PID1: variants seen among roughly 807,000 people sequenced by gnomAD.
PID1 encodes PTB-containing, cubilin and LRP1-interacting protein.
In PID1, 10 loss-of-function variants were observed where a neutral mutation model predicts 19.1. The observed-to-expected ratio is 0.52, with a 90% CI of 0.32 to 0.89. The LOEUF is 0.89. Ranked by LOEUF, PID1 falls within the 40% of genes least tolerant of loss-of-function variation. PID1 has a pLI of 0.03. For synonymous variants in PID1, 130 were observed against 116.0 expected (o/e 1.12, Z -0.78); for missense variants, 248 against 285.3 (o/e 0.87, Z 0.94).
At chr2:229,088,716 T>C (rs1694815471) in intron 2 of PID1, among the ~76,000 whole-genome samples, 1 of 152,074 alleles carries the variant, frequency 6.6e-6, no homozygotes, top group African/African-American at 2.4e-5. Context: ...TTGTGTCTCA[T>C]TGTCATAAAC....
At chr2:229,226,921 T>C (rs1348662807) in intron 1 of PID1, among the ~76,000 whole-genome samples, 1 of 152,192 alleles carries the variant, frequency 6.6e-6, no homozygotes, top group Non-Finnish European at 1.5e-5. Context: ...AAATGGGGTG[T>C]TTAGAATTTT....
chr2:229,134,231 G>GTTTTTTTTTTTTATTTTTTTTTTTT (rs1689808614), intron 2 of PID1, among the ~76,000 whole-genome samples: 1 of 109,220 alleles, frequency 9.2e-6, no homozygotes, highest in Non-Finnish European at 1.8e-5. Context: ...TACTACCTGT[G>GTTTTTTTTTTTTATTTTTTTTTTTT]TTTTTTTTTT....
In PID1 at chr2:229,092,238, T is replaced by A. The variant is rs559761255; in HGVS notation, c.177+63580A>T. The stretch of plus-strand genomic sequence containing the variant: ...TTTAGTGCCTGGTCATCCAAGGGTC[T>A]CCACTGTACGGTGGTGGTACAAAGG... On this transcript the variant is annotated intron_variant, in intron 2 of 2. Coordinates refer to ENST00000392055, the MANE Select transcript of PID1 (RefSeq NM_001100818.2). Among the ~76,000 whole-genome samples, 2 of 112,034 alleles carry A rather than the reference T, an allele frequency of 1.8e-5. 1 individual carries two copies. The highest frequency in any genetic ancestry group is 1.2e-4 in the African/African-American group (2 of 17,062). 73.5% of individuals were successfully genotyped at this position (112,034 alleles called of 152,430 possible). A position where few individuals can be genotyped will look rare whatever the true frequency, so the allele number is the denominator to read the frequency against.
intron 1 of PID1, among the ~76,000 whole-genome samples, chr2:229,222,443 T>C (rs1182469976): frequency 6.6e-6 from 1 of 152,248 alleles, no homozygotes; most frequent in African/African-American, 2.4e-5. Context: ...TAGTATTTCA[T>C]ACTACTATGT....
intron 2 of PID1, among the ~76,000 whole-genome samples, chr2:229,039,108 C>CAGCG (rs1368936005): frequency 6.6e-6 from 1 of 152,268 alleles, no homozygotes; most frequent in Admixed American, 6.5e-5. Flanking sequence ...ATATATAACG[C>CAGCG]AGCGAGAAAG....
At chr2:229,150,563 T>G (rs888175133) in intron 2 of PID1, among the ~76,000 whole-genome samples, 1 of 152,256 alleles carries the variant, frequency 6.6e-6, no homozygotes, top group African/African-American at 2.4e-5. Flanking sequence ...TCTTCTGGGT[T>G]ACTTCCCTTT....
At chr2:229,183,621 T>C (rs1307622047) in intron 1 of PID1, among the ~76,000 whole-genome samples, 1 of 152,082 alleles carries the variant, frequency 6.6e-6, no homozygotes, top group Non-Finnish European at 1.5e-5. Flanking sequence ...AGTGGGTACA[T>C]CAGTCTTTTG....
rs556846199 is a variant in PID1 at position 229,221,558 on chromosome 2, A to G, written c.30+49456T>C. On this transcript the variant is annotated intron_variant, in intron 1 of 2. Coordinates refer to ENST00000392055, the MANE Select transcript of PID1 (RefSeq NM_001100818.2). Reference sequence around the variant, plus strand: ...TTCATCAATGCCTCTTTCCATCTTTAAACCTTAGATTTCCCCCACGGTACT... The same window carrying G: ...TTCATCAATGCCTCTTTCCATCTTTGAACCTTAGATTTCCCCCACGGTACT... 1.1e-4 allele frequency among the ~76,000 whole-genome samples: 17 copies of G among 152,206 alleles called. No homozygotes were observed. In the South Asian group the frequency reaches 1.2e-3, roughly 11 times the overall value.
intron 2 of PID1, among the ~76,000 whole-genome samples, chr2:229,110,847 C>G (rs1695282988): frequency 6.6e-6 from 1 of 152,104 alleles, no homozygotes. Flanking sequence ...CCTCCCTGCT[C>G]ACTCACGTAG....
chr2:229,110,772 T>C (rs949100848), intron 2 of PID1, among the ~76,000 whole-genome samples: 9 of 152,138 alleles, frequency 5.9e-5, no homozygotes, highest in Admixed American at 6.5e-5. Flanking sequence ...GTGGTACCCA[T>C]AGGACAGGAA....
At chr2:229,033,924 GGCAAAGGGT>G (rs1693607985) in intron 2 of PID1, among the ~76,000 whole-genome samples, 1 of 152,158 alleles carries the variant, frequency 6.6e-6, no homozygotes, top group Non-Finnish European at 1.5e-5. Flanking sequence ...CCAGAGAAAA[GGCAAAGGGT>G]GCAACATAGA....
In PID1 at chr2:229,034,407, G is replaced by A. The variant is rs551503217; in HGVS notation, c.178-8299C>T. On this transcript the variant is annotated intron_variant, in intron 2 of 2. Coordinates refer to ENST00000392055, the MANE Select transcript of PID1 (RefSeq NM_001100818.2). ...GCTGTTTCTATAGATTAGGGAACTT[G>A]TAAGAGGTTGAAGTAACTTGCCCAA... Among the ~76,000 whole-genome samples the A allele has an allele frequency of 1.1e-4, 17 of 152,316 alleles. No homozygotes were observed. In the East Asian group the frequency reaches 2.9e-3, roughly 26 times the overall value.
At chr2:229,193,898 G>A (rs941541472) in intron 1 of PID1, among the ~76,000 whole-genome samples, 2 of 151,898 alleles carry the variant, frequency 1.3e-5, no homozygotes, top group African/African-American at 4.8e-5. Context: ...AAAATGAAGG[G>A]GAAAGCCATA....
chr2:229,166,431 G>A (rs1574684468), intron 1 of PID1, among the ~76,000 whole-genome samples: 1 of 152,082 alleles, frequency 6.6e-6, no homozygotes, highest in Non-Finnish European at 1.5e-5. Context: ...ATTATATGTC[G>A]AGTATACCTC....
At chr2:229,062,981 G>T (rs1183628440) in intron 2 of PID1, among the ~76,000 whole-genome samples, 2 of 151,786 alleles carry the variant, frequency 1.3e-5, no homozygotes, top group Admixed American at 1.3e-4. Context: ...CTCCTCTTTT[G>T]TTTCTGATTT....
At chr2:229,123,563 C>T (rs560170478) in intron 2 of PID1, among the ~76,000 whole-genome samples, 4 of 152,140 alleles carry the variant, frequency 2.6e-5, no homozygotes, top group Non-Finnish European at 5.9e-5. Context: ...CTGGGTGATA[C>T]GGTAACTCCA....
chr2:229,143,836 G>A (rs1029886117), intron 2 of PID1, among the ~76,000 whole-genome samples: 8 of 151,854 alleles, frequency 5.3e-5, no homozygotes, highest in East Asian at 1.9e-4. Flanking sequence ...TTCCCCTTCC[G>A]CCATGATTTT....
chr2:229,260,519 T>C (rs1179860915), intron 1 of PID1, among the ~76,000 whole-genome samples: 2 of 150,998 alleles, frequency 1.3e-5, no homozygotes, highest in African/African-American at 4.9e-5. Context: ...TGTGTGTATA[T>C]ATATACATAT....
intron 1 of PID1, among the ~76,000 whole-genome samples, chr2:229,176,358 C>T (rs890099449): frequency 5.9e-5 from 9 of 152,202 alleles, no homozygotes; most frequent in African/African-American, 2.2e-4. Flanking sequence ...GCCCAGCTGA[C>T]TTTGCCCAGG....
Sources: allele counts gnomAD v4.1 joint callset (sites outside exome capture counted in the v4.1 genomes callset), GRCh38; gene constraint gnomAD v4.1.1; transcripts MANE v1.5; gene names NCBI Gene and HGNC (gene_info 2026-07-23, HGNC 2026-07-21).